The following SDK1 variants were observed in gnomAD, a reference collection of about 807,000 sequenced individuals.
SDK1 encodes sidekick cell adhesion molecule 1.
In SDK1, 157 loss-of-function variants were observed where a neutral mutation model predicts 245.5. That is an observed-to-expected ratio of 0.64 (90% CI 0.56 to 0.73). The LOEUF (loss-of-function observed/expected upper bound fraction) is 0.73. SDK1 is among the 30% of genes least tolerant of loss of function. The pLI is 0.00. For synonymous variants in SDK1, 1,647 were observed against 1,278.5 expected (o/e 1.29, Z -6.15); for missense variants, 3,583 against 3,002.3 (o/e 1.19, Z -4.52).
At chr7:3,832,111 G>C (rs1160116812) in intron 5 of SDK1, among the ~76,000 whole-genome samples, 1 of 152,072 alleles carries the variant, frequency 6.6e-6, no homozygotes, top group Non-Finnish European at 1.5e-5. Context: ...TAATAAACAA[G>C]AGGCCATAAG....
At chr7:3,799,128 T>C (rs1463019428) in intron 4 of SDK1, among the ~76,000 whole-genome samples, 1 of 152,200 alleles carries the variant, frequency 6.6e-6, no homozygotes, top group African/African-American at 2.4e-5. Context: ...TCATGTTTCT[T>C]CTCCTCTTTA....
chr7:3,360,046 G>T (rs1780911762), intron 1 of SDK1, among the ~76,000 whole-genome samples: 1 of 152,140 alleles, frequency 6.6e-6, no homozygotes, highest in Non-Finnish European at 1.5e-5. Flanking sequence ...TGTCATCTTT[G>T]CAAGCTGCAA....
In SDK1 at chr7:4,208,286, G is replaced by A. The variant is rs879452125; in HGVS notation, c.5401+1G>A. ...CAGCAGGGGCGCACCCACCAGGCCG[G>A]TAGGAGGAAGGCGGGTTTCCTTTGG... On this transcript the variant is annotated splice_donor_variant, in intron 37 of 44. Transcript: ENST00000404826. LOFTEE classifies it high-confidence loss of function. 9.3e-6 allele frequency: 15 copies of A among 1,611,694 alleles called. No homozygotes were observed. Among genetic ancestry groups the A allele is most frequent in the Non-Finnish European group, 1.3e-5 (15 of 1,179,370 alleles).
intron 1 of SDK1, among the ~76,000 whole-genome samples, chr7:3,571,728 C>A (rs748169450): frequency 6.6e-6 from 1 of 152,092 alleles, no homozygotes; most frequent in African/African-American, 2.4e-5. Context: ...GTGAGGAGCT[C>A]AATGAATATA....
chr7:4,144,398 GGTGGCT>G (rs201473961), intron 28 of SDK1, among the ~76,000 whole-genome samples: 1,643 of 152,300 alleles, frequency 0.011, 37 homozygotes, highest in African/African-American at 0.038. Context: ...TGCGCCTAGA[GGTGGCT>G]GCGTCATGGA....
At chr7:3,599,535 C>G (rs13247897) in intron 1 of SDK1, among the ~76,000 whole-genome samples, 9,623 of 152,206 alleles carry the variant, frequency 0.063, 386 homozygotes, top group East Asian at 0.19. Context: ...GTCTAAGAGT[C>G]TTTGCCTGGC....
intron 1 of SDK1, among the ~76,000 whole-genome samples, chr7:3,569,173 A>G (rs936406222): frequency 3.3e-5 from 5 of 152,212 alleles, no homozygotes; most frequent in Non-Finnish European, 4.4e-5. Context: ...TGAAAAGAGT[A>G]CAGAGAATAC....
intron 30 of SDK1, among the ~76,000 whole-genome samples, chr7:4,155,852 A>C (rs1268323542): frequency 6.6e-6 from 1 of 152,030 alleles, no homozygotes; most frequent in Non-Finnish European, 1.5e-5. Context: ...GTCCTTGTGG[A>C]TGTTGAGTCT....
chr7:3,997,812 G>A (rs541896523), intron 14 of SDK1, among the ~76,000 whole-genome samples: 69 of 152,262 alleles, frequency 4.5e-4, no homozygotes, highest in African/African-American at 1.6e-3. Context: ...CCTCACCGGA[G>A]ACCCACCTTC....
At chr7:3,988,320 C>T (rs1784036136) in intron 14 of SDK1, among the ~76,000 whole-genome samples, 1 of 151,738 alleles carries the variant, frequency 6.6e-6, no homozygotes, top group Non-Finnish European at 1.5e-5. Context: ...AACTAGGATT[C>T]TGATCCCTTT....
At position 3,970,842 on chromosome 7, in the gene SDK1, T is replaced by C. The variant is rs532418276; in HGVS notation, c.1715-624T>C. The stretch of plus-strand genomic sequence containing the variant: ...TCAGGCTTGCCCTCGAACTTAGCCT[T>C]GTGACTCCGAAGTTCTGGGCTCTGT... On this transcript the variant is annotated intron_variant, in intron 11 of 44. Transcript: ENST00000404826. Among the ~76,000 whole-genome samples the C allele has an allele frequency of 8.5e-5, 13 of 152,286 alleles. No homozygotes were observed. The South Asian group carries it at 2.5e-3, about 29-fold the overall frequency.
rs900876479 is a variant in SDK1, at chr7:4,171,545, C to T, written c.4801-2677C>T. ...ATTGAAGTCCCGGGCTCTGGTTCGGCGGTTCTGGCCTGGTAGCTGAGCATG... is the reference window on the plus strand; with the variant it reads ...ATTGAAGTCCCGGGCTCTGGTTCGGTGGTTCTGGCCTGGTAGCTGAGCATG... On this transcript the variant is annotated intron_variant, in intron 32 of 44. Coordinates refer to ENST00000404826, the MANE Select transcript of SDK1 (RefSeq NM_152744.4). Among the ~76,000 whole-genome samples, 5 of 152,172 alleles carry T rather than the reference C, an allele frequency of 3.3e-5. No individual in the cohort carries two copies. The South Asian group carries it at 6.2e-4, about 19-fold the overall frequency.
intron 25 of SDK1, among the ~76,000 whole-genome samples, chr7:4,115,186 A>C (rs1251431382): frequency 6.6e-6 from 1 of 152,128 alleles, no homozygotes; most frequent in Non-Finnish European, 1.5e-5. Flanking sequence ...GTCTGATCTG[A>C]ATTAGTGAGG....
intron 14 of SDK1, among the ~76,000 whole-genome samples, chr7:4,005,787 T>C (rs1182104105): frequency 2.0e-5 from 3 of 152,184 alleles, no homozygotes; most frequent in Non-Finnish European, 4.4e-5. Flanking sequence ...TCTCAACACT[T>C]TGGGAGGCCA....
chr7:3,929,340 A>T (rs1779893909), intron 5 of SDK1, among the ~76,000 whole-genome samples: 1 of 152,196 alleles, frequency 6.6e-6, no homozygotes, highest in Non-Finnish European at 1.5e-5. Context: ...CTTGAACACG[A>T]TTGATCTTCA....
intron 1 of SDK1, among the ~76,000 whole-genome samples, chr7:3,571,322 G>T (rs950718703): frequency 6.6e-6 from 1 of 151,470 alleles, no homozygotes; most frequent in South Asian, 2.1e-4. Context: ...TTTTTTTTGA[G>T]ATGGGGATCT....
intron 4 of SDK1, among the ~76,000 whole-genome samples, chr7:3,711,913 T>G (rs1157196041): frequency 6.6e-6 from 1 of 152,188 alleles, no homozygotes; most frequent in South Asian, 2.1e-4. Context: ...GTGGCTGTTT[T>G]CCTGTGCGGG....
intron 1 of SDK1, among the ~76,000 whole-genome samples, chr7:3,379,403 G>A (rs962871595): frequency 6.6e-6 from 1 of 152,142 alleles, no homozygotes; most frequent in East Asian, 1.9e-4. Context: ...CCTGGAGCAC[G>A]TGTGACAATT....
intron 17 of SDK1, among the ~76,000 whole-genome samples, chr7:4,036,699 G>A (rs1341289426): frequency 6.6e-6 from 1 of 152,108 alleles, no homozygotes; most frequent in African/African-American, 2.4e-5. Flanking sequence ...GTTGGGATTA[G>A]CACCCTTATG....
Sources: allele counts gnomAD v4.1 joint callset (sites outside exome capture counted in the v4.1 genomes callset), GRCh38; gene constraint gnomAD v4.1.1; transcripts MANE v1.5; gene names NCBI Gene and HGNC (gene_info 2026-07-23, HGNC 2026-07-21).